PDE1C: variants seen among roughly 807,000 people sequenced by gnomAD.
PDE1C encodes dual specificity calcium/calmodulin-dependent 3',5'-cyclic nucleotide phosphodiesterase 1C.
Under a neutral mutation model 93.1 loss-of-function variants are expected in PDE1C, and 62 were observed. The ratio of observed to expected loss-of-function variants is 0.67; its 90% confidence interval spans 0.54 to 0.82. The LOEUF (loss-of-function observed/expected upper bound fraction) is 0.82, where lower values mean the gene tolerates loss of function less well. PDE1C is among the 40% of genes least tolerant of loss of function. The probability of loss-of-function intolerance (pLI) is 0.00; values close to 1 mark genes in which losing one functional copy is unlikely to be tolerated. For synonymous variants in PDE1C, 325 were observed against 310.1 expected, an observed-to-expected ratio of 1.05 and a Z score of -0.50; for missense variants, 742 against 884.6, an observed-to-expected ratio of 0.84 and a Z score of 2.04.
chr7:31,616,865 T>TA, the PDE1C span, among the ~76,000 whole-genome samples: 1 of 151,528 alleles, frequency 6.6e-6, no homozygotes, highest in African/African-American at 2.4e-5. Context: ...TCTTAACAGA[T>TA]ACCAGATACC....
At chr7:31,676,102 G>A in the PDE1C span, among the ~76,000 whole-genome samples, 1 of 152,188 alleles carries the variant, frequency 6.6e-6, no homozygotes, top group Non-Finnish European at 1.5e-5. Context: ...TGCTCCGCAT[G>A]ACGGTGGCCG....
intron 2 of PDE1C, among the ~76,000 whole-genome samples, chr7:31,923,926 A>T (rs1401017260): frequency 6.6e-6 from 1 of 152,218 alleles, no homozygotes; most frequent in Non-Finnish European, 1.5e-5. Context: ...CTCTAGACAT[A>T]GGTGTTATAA....
At chr7:32,266,745 G>T (rs1810601682) in intron 1 of PDE1C, among the ~76,000 whole-genome samples, 1 of 152,110 alleles carries the variant, frequency 6.6e-6, no homozygotes. Flanking sequence ...CCAGGAGCTG[G>T]AGCTGGCGGT....
chr7:32,420,181 A>ATGTG (rs59414954), intron 1 of PDE1C, among the ~76,000 whole-genome samples: 29 of 49,528 alleles, frequency 5.9e-4, no homozygotes, highest in Non-Finnish European at 9.8e-4. Context: ...ATATATATAC[A>ATGTG]CATATATATG....
chr7:31,954,135 G>C (rs1042750610), intron 2 of PDE1C, among the ~76,000 whole-genome samples: 1 of 152,230 alleles, frequency 6.6e-6, no homozygotes, highest in African/African-American at 2.4e-5. Flanking sequence ...GTGGGGACTT[G>C]TTGCTGGGAA....
chr7:32,086,119 C>G (rs1389871843), intron 3 of PDE1C, among the ~76,000 whole-genome samples: 1 of 147,850 alleles, frequency 6.8e-6, no homozygotes, highest in Non-Finnish European at 1.5e-5. Flanking sequence ...TGTTTCAGCC[C>G]AAAATCTCCT....
chr7:32,014,416 C>T (rs1435704320), intron 2 of PDE1C, among the ~76,000 whole-genome samples: 1 of 152,188 alleles, frequency 6.6e-6, no homozygotes, highest in African/African-American at 2.4e-5. Flanking sequence ...GAAGCATACA[C>T]TCTCAAGAAC....
the PDE1C span, among the ~76,000 whole-genome samples, chr7:31,687,603 G>A: frequency 3.3e-5 from 5 of 152,172 alleles, no homozygotes; most frequent in Admixed American, 6.5e-5. Flanking sequence ...TTCCAAGGCT[G>A]GGGAAAGTAC....
chr7:31,941,077 C>G (rs1805777583), intron 2 of PDE1C, among the ~76,000 whole-genome samples: 2 of 152,010 alleles, frequency 1.3e-5, no homozygotes, highest in Admixed American at 1.3e-4. Context: ...AAACACCAAG[C>G]AGCTAGCTAC....
intron 1 of PDE1C, among the ~76,000 whole-genome samples, chr7:32,385,691 G>C (rs1784610739): frequency 6.6e-6 from 1 of 152,206 alleles, no homozygotes. Context: ...GGCAGAGAGT[G>C]GAGGGAGAGA....
chr7:32,387,148 C>G (rs1784644981), intron 1 of PDE1C, among the ~76,000 whole-genome samples: 1 of 151,194 alleles, frequency 6.6e-6, no homozygotes, highest in African/African-American at 2.4e-5. Context: ...TCCATTTAAC[C>G]CTGAGTGGAC....
At chr7:31,832,600 C>A (rs1233296506) in intron 11 of PDE1C, among the ~76,000 whole-genome samples, 1 of 152,180 alleles carries the variant, frequency 6.6e-6, no homozygotes. Context: ...ACTGAGGCAG[C>A]ATTTCTCTTA....
At chr7:32,291,739 T>C (rs560137267) in intron 1 of PDE1C, among the ~76,000 whole-genome samples, 1 of 152,330 alleles carries the variant, frequency 6.6e-6, no homozygotes, top group South Asian at 2.1e-4. Flanking sequence ...AAATCCCCAG[T>C]GTACCTCACT....
intron 2 of PDE1C, among the ~76,000 whole-genome samples, chr7:31,946,932 G>A (rs1241271942): frequency 6.6e-6 from 1 of 152,192 alleles, no homozygotes; most frequent in Admixed American, 6.5e-5. Context: ...AGGAGGAACT[G>A]AAGTAAACGA....
chr7:32,311,499 TC>T (rs1783039850), intron 1 of PDE1C, among the ~76,000 whole-genome samples: 2 of 152,088 alleles, frequency 1.3e-5, no homozygotes, highest in South Asian at 4.2e-4. Flanking sequence ...GATGCAAAAA[TC>T]CTCAATAAAA....
intron 1 of PDE1C, among the ~76,000 whole-genome samples, chr7:32,246,272 C>G (rs532017760): frequency 6.6e-6 from 1 of 152,036 alleles, no homozygotes; most frequent in Non-Finnish European, 1.5e-5. Context: ...CCTGGCCATT[C>G]GACGTATGAA....
the PDE1C span, among the ~76,000 whole-genome samples, chr7:31,625,863 TTAAAA>T: frequency 3.9e-5 from 6 of 152,220 alleles, no homozygotes; most frequent in African/African-American, 9.6e-5. Context: ...TTATAAATGC[TTAAAA>T]TAAAGTGATC....
chr7:32,341,434 CAA>C, intron 1 of PDE1C, among the ~76,000 whole-genome samples: 1 of 151,854 alleles, frequency 6.6e-6, no homozygotes, highest in African/African-American at 2.4e-5. Context: ...CTCGGCCTCC[CAA>C]AGTGCTGGGA....
intron 2 of PDE1C, among the ~76,000 whole-genome samples, chr7:32,016,955 C>G (rs542301222): frequency 6.6e-6 from 1 of 152,100 alleles, no homozygotes; most frequent in Admixed American, 6.6e-5. Context: ...TGCCTGAGTT[C>G]GAAGCCTGCG....
Sources: allele counts gnomAD v4.1 joint callset (sites outside exome capture counted in the v4.1 genomes callset), GRCh38; gene constraint gnomAD v4.1.1; transcripts MANE v1.5; gene names NCBI Gene and HGNC (gene_info 2026-07-23, HGNC 2026-07-21).